CSPG5: variants seen among roughly 807,000 people sequenced by gnomAD.
CSPG5 encodes acidic leucine-rich EGF-like domain-containing brain protein.
In CSPG5, 25 loss-of-function variants were observed where a neutral mutation model predicts 39.8. The ratio of observed to expected loss-of-function variants is 0.63; its 90% CI spans 0.46 to 0.88. The LOEUF (loss-of-function observed/expected upper bound fraction) is 0.88, where lower values mean the gene tolerates loss of function less well. Ranked by LOEUF, CSPG5 falls within the 40% of genes least tolerant of loss-of-function variation. The pLI is 0.00. For missense variants in CSPG5, 627 were observed against 702.2 expected (o/e 0.89, Z 1.21); for synonymous variants, 295 against 303.9 (o/e 0.97, Z 0.31).
rs2108213575 is a variant in CSPG5, at chr3:47,578,716, C to T, written c.-23G>A. On this transcript the variant is annotated 5_prime_UTR_variant, in exon 1 of 5. Coordinates refer to ENST00000264723, the MANE Select transcript of CSPG5 (RefSeq NM_006574.4). This position sits in a 1 kb window ranked among gnomAD's most constrained non-coding sequence, Gnocchi z 6.0. ...CATGGCGCGGCGCCCCGACCGCTGT[C>T]CGCGGTCCGCCCGGCTGGCTGCGCC... 1 of 697,554 alleles carries T rather than the reference C, an allele frequency of 1.4e-6. No homozygotes were observed. Among genetic ancestry groups the T allele is most frequent in the South Asian group, 6.2e-5 (1 of 16,110 alleles). The allele number at this position is 697,554 out of a possible 1,614,324, so 43.2% of individuals were successfully genotyped here.
chr3:47,568,923 G>T, intron 4 of CSPG5: 2 of 555,856 alleles, frequency 3.6e-6, no homozygotes, highest in Non-Finnish European at 5.8e-6. Flanking sequence ...ACACCATCAA[G>T]TGCTTATTCC....
intron 2 of CSPG5, among the ~76,000 whole-genome samples, chr3:47,573,860 G>A (rs1296845225): frequency 6.6e-6 from 1 of 152,222 alleles, no homozygotes; most frequent in East Asian, 1.9e-4. Flanking sequence ...TCTGTTTGAG[G>A]TTGCCAGGGA....
At chr3:47,566,441 G>A (rs2031303727) in intron 4 of CSPG5, among the ~76,000 whole-genome samples, 1 of 152,156 alleles carries the variant, frequency 6.6e-6, no homozygotes, top group Non-Finnish European at 1.5e-5. Context: ...TCACAAACAA[G>A]TGGCAACCGT....
Position 47,577,895 on chromosome 3 carries a change from T to C in CSPG5, c.131A>G (p.Glu44Gly), listed in dbSNP as rs1021515608. 74 of 1,488,986 alleles carry C rather than the reference T, an allele frequency of 5.0e-5. No individual in the cohort carries two copies. Among genetic ancestry groups the C allele is most frequent in the Non-Finnish European group, 6.4e-5 (73 of 1,132,710 alleles). The allele number at this position is 1,488,986 out of a possible 1,614,324, so 92.2% of individuals were successfully genotyped here. ...REAGSAVEAE[E>G]LVKGSPAWEP... ...CCACGCCGGGCTGCCCTTCACCAGC[T>C]CTTCGGCCTCAACCGCGCTGCCCGC... Residue 44 changes from glutamate (E) to glycine (G), a missense_variant, in exon 2 of 5, where the codon GAG becomes GGG. By Grantham distance (98) the Glu-to-Gly change is moderately conservative. Transcript: ENST00000264723. This position sits in a 1 kb window ranked among gnomAD's most constrained non-coding sequence, Gnocchi z 4.7.
Position 47,578,263 on chromosome 3 carries a change from T to C in CSPG5, c.97+334A>G. On this transcript the variant is annotated intron_variant, in intron 1 of 4. Coordinates refer to ENST00000264723, the MANE Select transcript of CSPG5 (RefSeq NM_006574.4). This position sits in a 1 kb window ranked among gnomAD's most constrained non-coding sequence, Gnocchi z 6.0. Reference sequence around the variant, plus strand: ...GGAACCCACCCTGAGCCGCGTCCACTGGCTCCCGCCCTCAGCTCCAGGTCC... The same window carrying C: ...GGAACCCACCCTGAGCCGCGTCCACCGGCTCCCGCCCTCAGCTCCAGGTCC... 4.0e-6 allele frequency: 1 copy of C among 252,990 alleles called. No individual in the cohort carries two copies. Among genetic ancestry groups the C allele is most frequent in the Non-Finnish European group, 7.3e-6 (1 of 136,144 alleles). 15.7% of individuals were successfully genotyped at this position (252,990 alleles called of 1,614,324 possible). A position where few individuals can be genotyped will look rare whatever the true frequency, so the allele number is the denominator to read the frequency against.
At chr3:47,565,681 G>GAA (rs11330263) in intron 4 of CSPG5, among the ~76,000 whole-genome samples, 11 of 134,280 alleles carry the variant, frequency 8.2e-5, no homozygotes, top group African/African-American at 1.9e-4. Context: ...AGTTAAATAG[G>GAA]AAAAAAAAAA....
intron 3 of CSPG5, among the ~76,000 whole-genome samples, chr3:47,571,474 C>A (rs58125955): frequency 6.6e-6 from 1 of 152,242 alleles, no homozygotes; most frequent in Non-Finnish European, 1.5e-5. Flanking sequence ...TGCTCACCCA[C>A]CCCCTTGGTG....
Position 47,577,056 on chromosome 3 carries a change from G to A in CSPG5, c.970C>T (p.Pro324Ser), listed in dbSNP as rs2031773247. The change falls in exon 2 of 5, where the codon CCT (proline) becomes TCT (serine). Residue 324 changes from proline (P) to serine (S), a missense_variant. Coordinates refer to ENST00000264723, the MANE Select transcript of CSPG5 (RefSeq NM_006574.4). This position sits in a 1 kb window ranked among gnomAD's most constrained non-coding sequence, Gnocchi z 4.7. Reference sequence around the variant, plus strand: ...ACCGACCCCAGAGTGTGCTGTGGAGGGACAGCATGCCACCGACTGGTGGGC... The same window carrying A: ...ACCGACCCCAGAGTGTGCTGTGGAGAGACAGCATGCCACCGACTGGTGGGC... ...GQPTSRWHAV[P>S]PQHTLGSVPG... is the part of the protein sequence containing the mutation. 1.9e-6 allele frequency: 3 copies of A among 1,613,496 alleles called. No individual in the cohort carries two copies. Among genetic ancestry groups the A allele is most frequent in the Non-Finnish European group, 1.7e-6 (2 of 1,179,962 alleles).
chr3:47,567,504 C>T (rs1453506175), intron 4 of CSPG5, among the ~76,000 whole-genome samples: 1 of 152,100 alleles, frequency 6.6e-6, no homozygotes. Context: ...TATCTTGGTA[C>T]AAACCAAGTG....
Position 47,577,170 on chromosome 3 carries a change from T to C in CSPG5, c.856A>G (p.Lys286Glu). Residue 286 changes from lysine to glutamate, a missense_variant, in exon 2 of 5, where the codon AAA becomes GAA. Lys to Glu is a moderately conservative substitution (Grantham distance 56, BLOSUM62 1). Transcript: ENST00000264723. This position sits in a 1 kb window ranked among gnomAD's most constrained non-coding sequence, Gnocchi z 4.7. The stretch of plus-strand genomic sequence containing the variant: ...AGGTCTCCACCTCCTACTGCATCTT[T>C]GTCATCCTCCTCTTCCTCCTCCTCT... Reference protein sequence around the residue: ...DEEEEEEEDDKDAVGGGDLED... With the variant: ...DEEEEEEEDDEDAVGGGDLED... 6.2e-7 allele frequency: 1 copy of C among 1,611,778 alleles called. No homozygotes were observed. Among genetic ancestry groups the C allele is most frequent in the Non-Finnish European group, 8.5e-7 (1 of 1,178,906 alleles).
At chr3:47,569,757 T>C (rs2031460382) in intron 3 of CSPG5, among the ~76,000 whole-genome samples, 1 of 151,350 alleles carries the variant, frequency 6.6e-6, no homozygotes, top group Non-Finnish European at 1.5e-5. Flanking sequence ...TTTCTTTTTT[T>C]TTTTTTTTGA....
intron 4 of CSPG5, among the ~76,000 whole-genome samples, chr3:47,565,830 TG>T (rs2031276392): frequency 6.6e-6 from 1 of 152,340 alleles, no homozygotes; most frequent in African/African-American, 2.4e-5. Flanking sequence ...AGCCCAGTGT[TG>T]GGGCAGCTGC....
At chr3:47,573,328 C>A (rs2031594273) in intron 2 of CSPG5, among the ~76,000 whole-genome samples, 1 of 152,234 alleles carries the variant, frequency 6.6e-6, no homozygotes, top group Admixed American at 6.5e-5. Flanking sequence ...CCTGCACATG[C>A]AAACCTATCT....
Position 47,577,876 on chromosome 3 carries a change from C to T in CSPG5, c.150G>A (p.Pro50=), listed in dbSNP as rs1463327581. Residue 50 remains proline, a synonymous_variant, in exon 2 of 5, where the codon CCG becomes CCA. Transcript: ENST00000264723. The surrounding 1 kb of genome is among the most constrained non-coding windows in gnomAD (Gnocchi z 4.7). ...VEAEELVKGS[P]AWEPPANDTR... is the part of the protein sequence containing the mutation. ...TGTCGTTGGCAGGCGGCTCCCACGC[C>T]GGGCTGCCCTTCACCAGCTCTTCGG... 3 of 1,519,768 alleles carry T rather than the reference C, an allele frequency of 2.0e-6. No individual in the cohort carries two copies. Among genetic ancestry groups the T allele is most frequent in the South Asian group, 1.3e-5 (1 of 78,846 alleles). 94.1% of individuals were successfully genotyped at this position (1,519,768 alleles called of 1,614,324 possible).
At chr3:47,575,929 CTTTTTT>C (rs370578310) in intron 2 of CSPG5, among the ~76,000 whole-genome samples, 15 of 99,646 alleles carry the variant, frequency 1.5e-4, no homozygotes, top group African/African-American at 3.3e-4. Context: ...TTCATTTTGC[CTTTTTT>C]TTTTTTTTTT....
At chr3:47,563,741 A>G (rs903689232) in intron 4 of CSPG5, among the ~76,000 whole-genome samples, 2 of 152,076 alleles carry the variant, frequency 1.3e-5, no homozygotes, top group African/African-American at 4.8e-5. Flanking sequence ...TTCAGTAGAG[A>G]TAGGGTTTCA....
Position 47,578,063 on chromosome 3 carries a change from C to G in CSPG5, c.98-135G>C. On this transcript the variant is annotated intron_variant, in intron 1 of 4. Coordinates refer to ENST00000264723, the MANE Select transcript of CSPG5 (RefSeq NM_006574.4). The surrounding 1 kb of genome is among the most constrained non-coding windows in gnomAD (Gnocchi z 6.0). ...CTCGCCACCCTCAGACCCCACCGCC[C>G]CAGTGTGACCCCAGCCACCCGGTAC... 8.0e-7 allele frequency: 1 copy of G among 1,256,572 alleles called. No homozygotes were observed. Among genetic ancestry groups the G allele is most frequent in the Non-Finnish European group, 1.0e-6 (1 of 991,150 alleles). 77.8% of individuals were successfully genotyped at this position (1,256,572 alleles called of 1,614,324 possible). A position where few individuals can be genotyped will look rare whatever the true frequency, so the allele number is the denominator to read the frequency against.
Position 47,572,080 on chromosome 3 carries a change from C to A in CSPG5, c.1382+606G>T, listed in dbSNP as rs1466516762. 6.6e-6 allele frequency among the ~76,000 whole-genome samples: 1 copy of A among 152,200 alleles called. No individual in the cohort carries two copies. Among genetic ancestry groups the A allele is most frequent in the Non-Finnish European group, 1.5e-5 (1 of 68,022 alleles). ...ACAGTAGAGGAAGTTAACCCTAGTTCTCCCCACATATTCTACTCAGGAGAG... is the reference window on the plus strand; with the variant it reads ...ACAGTAGAGGAAGTTAACCCTAGTTATCCCCACATATTCTACTCAGGAGAG... On this transcript the variant is annotated intron_variant, in intron 3 of 4. Transcript: ENST00000264723. The surrounding 1 kb of genome is among the most constrained non-coding windows in gnomAD (Gnocchi z 4.5).
At chr3:47,574,301 G>C (rs912545346) in intron 2 of CSPG5, among the ~76,000 whole-genome samples, 2 of 152,086 alleles carry the variant, frequency 1.3e-5, no homozygotes, top group Non-Finnish European at 1.5e-5. Flanking sequence ...GGCAGCAAGG[G>C]CTCCAAATTT....
Sources: gnomAD v4.1 joint callset for allele counts (sites outside exome capture counted in the v4.1 genomes callset) on GRCh38, gnomAD v4.1.1 for gene constraint, Gnocchi (gnomAD v3.1) non-coding constraint, MANE v1.5 for transcripts, NCBI Gene and HGNC (gene_info 2026-07-23, HGNC 2026-07-21) for gene names.